Variants in DIPK1A observed in about 807,000 individuals in gnomAD.
DIPK1A encodes the protein divergent protein kinase domain 1A.
In DIPK1A, 27 loss-of-function variants were observed where a neutral mutation model predicts 40.8. The observed-to-expected ratio is 0.66, with a 90% CI of 0.49 to 0.91. The LOEUF (loss-of-function observed/expected upper bound fraction) is 0.91. Ranked by LOEUF, DIPK1A falls within the 40% of genes least tolerant of loss-of-function variation. DIPK1A has a pLI of 0.00. For missense variants in DIPK1A, 412 were observed against 505.7 expected, an observed-to-expected ratio of 0.81 and a Z score of 1.78; for synonymous variants, 166 against 171.3, an observed-to-expected ratio of 0.97 and a Z score of 0.24.
chr1:92,890,632 C>G (rs1391203822), intron 1 of DIPK1A, among the ~76,000 whole-genome samples: 1 of 152,110 alleles, frequency 6.6e-6, no homozygotes, highest in Non-Finnish European at 1.5e-5. Flanking sequence ...GATTTGTGTA[C>G]GTTGACCTAT....
intron 3 of DIPK1A, among the ~76,000 whole-genome samples, chr1:92,850,473 G>T (rs920436418): frequency 1.3e-5 from 2 of 152,304 alleles, no homozygotes; most frequent in Admixed American, 1.3e-4. Context: ...TTGAGCTCAG[G>T]AGTTCGAGAC....
chr1:92,859,409 C>A lies in DIPK1A; in HGVS notation c.190-8454G>T, dbSNP rs141963413. Among the ~76,000 whole-genome samples, 406 of 152,144 alleles carry A rather than the reference C, an allele frequency of 2.7e-3. 1 individual carries two copies. The highest frequency in any genetic ancestry group is 9.4e-3 in the African/African-American group (390 of 41,530). On this transcript the variant is annotated intron_variant, in intron 2 of 4. Transcript: ENST00000370310. ...TAAAAGTGCTCAAATCTCTCTCCCCCCTGCCCGCAACACACACATCCTCTC... is the reference window on the plus strand; with the variant it reads ...TAAAAGTGCTCAAATCTCTCTCCCCACTGCCCGCAACACACACATCCTCTC...
At chr1:92,909,983 C>G (rs1204051302) in intron 1 of DIPK1A, among the ~76,000 whole-genome samples, 1 of 152,086 alleles carries the variant, frequency 6.6e-6, no homozygotes, top group African/African-American at 2.4e-5. Flanking sequence ...CTTCTTTGTA[C>G]CAAATAAATC....
At chr1:92,856,085 TA>T (rs373319195) in intron 2 of DIPK1A, among the ~76,000 whole-genome samples, 1,829 of 151,298 alleles carry the variant, frequency 0.012, 42 homozygotes, top group African/African-American at 0.041. Flanking sequence ...TCAAAATAAA[TA>T]AATAAATAAA....
At chr1:92,859,482 A>T (rs1265353003) in intron 2 of DIPK1A, among the ~76,000 whole-genome samples, 1 of 152,144 alleles carries the variant, frequency 6.6e-6, no homozygotes, top group Non-Finnish European at 1.5e-5. Context: ...TTTATTTTAG[A>T]ATTCCTCAGC....
chr1:92,852,386 T>C (rs1042339706), intron 2 of DIPK1A, among the ~76,000 whole-genome samples: 12 of 151,432 alleles, frequency 7.9e-5, no homozygotes, highest in Non-Finnish European at 1.3e-4. Context: ...TAATCTCAAG[T>C]ATTCAGGAGG....
intron 3 of DIPK1A, among the ~76,000 whole-genome samples, chr1:92,847,985 C>G (rs1022851753): frequency 3.9e-5 from 6 of 152,168 alleles, no homozygotes; most frequent in African/African-American, 1.4e-4. Flanking sequence ...GACCCACCTG[C>G]CTCAGCCTCT....
intron 2 of DIPK1A, among the ~76,000 whole-genome samples, chr1:92,875,467 A>T (rs1014530211): frequency 6.6e-6 from 1 of 152,188 alleles, no homozygotes; most frequent in African/African-American, 2.4e-5. Flanking sequence ...CTGTAATCCC[A>T]GCTCTTTGGG....
intron 1 of DIPK1A, among the ~76,000 whole-genome samples, chr1:92,947,538 G>T (rs752280929): frequency 7.2e-5 from 11 of 152,134 alleles, no homozygotes; most frequent in Admixed American, 4.6e-4. Flanking sequence ...GATTATGGAG[G>T]TTCTTCAAAA....
At chr1:92,954,387 TTTTG>T (rs1316768361) in intron 1 of DIPK1A, among the ~76,000 whole-genome samples, 21 of 22,504 alleles carry the variant, frequency 9.3e-4, no homozygotes, top group Middle Eastern at 0.012. Context: ...TTTTTTTTTT[TTTTG>T]TTTTGAGACA....
chr1:92,846,841 ATGTGT>A (rs1687638375), intron 4 of DIPK1A, among the ~76,000 whole-genome samples: 1 of 2,062 alleles, frequency 4.8e-4, no homozygotes, highest in African/African-American at 3.6e-3. Flanking sequence ...ATATATATAT[ATGTGT>A]GTATATATAT....
intron 1 of DIPK1A, among the ~76,000 whole-genome samples, chr1:92,895,456 C>A (rs550203109): frequency 5.3e-5 from 8 of 151,974 alleles, no homozygotes; most frequent in African/African-American, 9.7e-5. Context: ...ATTCAACAAC[C>A]CTTCATGCTA....
Position 92,918,741 on chromosome 1 carries a change from G to C in DIPK1A, c.55-42311C>G, listed in dbSNP as rs998456837. On this transcript the variant is annotated intron_variant, in intron 1 of 4. Transcript: ENST00000370310. ...CCCAAACTTTTTCACATCAGGGACGGGTTTCGTGGAAGACGGTTTTGCAAC... is the reference window on the plus strand; with the variant it reads ...CCCAAACTTTTTCACATCAGGGACGCGTTTCGTGGAAGACGGTTTTGCAAC... Among the ~76,000 whole-genome samples the C allele has an allele frequency of 5.3e-5, 8 of 152,288 alleles. No individual in the cohort carries two copies. The South Asian group carries it at 1.7e-3, about 32-fold the overall frequency.
At chr1:92,918,817 T>C (rs1225133441) in intron 1 of DIPK1A, among the ~76,000 whole-genome samples, 1 of 152,160 alleles carries the variant, frequency 6.6e-6, no homozygotes, top group Non-Finnish European at 1.5e-5. Flanking sequence ...GGGATGAAAC[T>C]GTTCCACCTA....
chr1:92,856,709 G>A (rs1490377050), intron 2 of DIPK1A, among the ~76,000 whole-genome samples: 4 of 152,082 alleles, frequency 2.6e-5, no homozygotes, highest in African/African-American at 4.8e-5. Context: ...GAACCACTGC[G>A]CCAGGTCTTG....
chr1:92,833,513 G>C (rs746972158), intron 4 of DIPK1A: 2 of 1,611,060 alleles, frequency 1.2e-6, no homozygotes, highest in South Asian at 2.2e-5. Flanking sequence ...ATGCAGTGGA[G>C]TATCCTTTCT....
chr1:92,832,777 C>G (rs951691915), exon 5 of DIPK1A: 183 of 515,580 alleles, frequency 3.5e-4, no homozygotes, highest in Non-Finnish European at 4.9e-4. Flanking sequence ...TGAAATGTTG[C>G]TTTAGCTGAT....
At chr1:92,922,187 A>C (rs971644545) in intron 1 of DIPK1A, among the ~76,000 whole-genome samples, 6 of 146,300 alleles carry the variant, frequency 4.1e-5, no homozygotes, top group African/African-American at 1.3e-4. Flanking sequence ...ACAGCATTTT[A>C]ATCAATTTTC....
chr1:92,932,442 A>G (rs970495237), intron 1 of DIPK1A: 10 of 142,940 alleles, frequency 7.0e-5, no homozygotes, highest in African/African-American at 1.2e-4. Context: ...CTCTGTCTCA[A>G]AAAAAAAAAT....
Sources: allele counts gnomAD v4.1 joint callset (sites outside exome capture counted in the v4.1 genomes callset), GRCh38; gene constraint gnomAD v4.1.1; transcripts MANE v1.5; gene names NCBI Gene and HGNC (gene_info 2026-07-23, HGNC 2026-07-21).